The following TACR1 variants were observed in gnomAD, a reference collection of about 807,000 sequenced individuals.
TACR1 encodes the protein substance-P receptor.
Under a neutral mutation model 35.8 loss-of-function variants are expected in TACR1, and 25 were observed. The observed-to-expected ratio is 0.70, with a 90% CI of 0.51 to 0.98. The LOEUF (loss-of-function observed/expected upper bound fraction) is 0.98. TACR1 is among the 50% of genes least tolerant of loss of function. TACR1 has a pLI of 0.00. For synonymous variants in TACR1, 195 were observed against 206.7 expected (o/e 0.94, Z 0.48); for missense variants, 478 against 522.9 (o/e 0.91, Z 0.84).
intron 1 of TACR1, among the ~76,000 whole-genome samples, chr2:75,181,243 A>C (rs537725411): frequency 4.4e-4 from 67 of 152,262 alleles, no homozygotes; most frequent in African/African-American, 1.5e-3. Context: ...TCTTAATTTT[A>C]TTAGCCTCAA....
At chr2:75,057,641 C>T (rs1388919317) in intron 2 of TACR1, among the ~76,000 whole-genome samples, 1 of 152,140 alleles carries the variant, frequency 6.6e-6, no homozygotes, top group Non-Finnish European at 1.5e-5. Context: ...TTCGTGGAGA[C>T]AGAAAGTAGA....
intron 4 of TACR1, among the ~76,000 whole-genome samples, chr2:75,050,646 C>G (rs763455879): frequency 2.6e-5 from 4 of 152,218 alleles, no homozygotes; most frequent in Non-Finnish European, 5.9e-5. Context: ...CAGGATGGCT[C>G]TCCCCAACCC....
chr2:75,198,370 A>T (rs1221887933), intron 1 of TACR1, among the ~76,000 whole-genome samples, 176 bp downstream of exon 1: 2 of 152,208 alleles, frequency 1.3e-5, no homozygotes, highest in East Asian at 3.8e-4. Flanking sequence ...GAGGAAAAAA[A>T]GTTGAAATAC....
chr2:75,136,116 C>T lies in TACR1; in HGVS notation c.390-15348G>A, dbSNP rs566141104. Reference sequence around the variant, plus strand: ...GCACATGGGTGTGGGCAGGGGTTGGCGGAACTTGGGCCTTGTAGAAAGAAA... The same window carrying T: ...GCACATGGGTGTGGGCAGGGGTTGGTGGAACTTGGGCCTTGTAGAAAGAAA... On this transcript the variant is annotated intron_variant, in intron 1 of 4. Coordinates refer to ENST00000305249, the MANE Select transcript of TACR1 (RefSeq NM_001058.4). 3.3e-5 allele frequency among the ~76,000 whole-genome samples: 5 copies of T among 152,254 alleles called. No individual in the cohort carries two copies. The South Asian group carries it at 8.3e-4, about 25-fold the overall frequency.
intron 1 of TACR1, among the ~76,000 whole-genome samples, chr2:75,182,798 CATG>C (rs1451550002): frequency 1.3e-5 from 2 of 152,192 alleles, no homozygotes; most frequent in East Asian, 1.9e-4. Flanking sequence ...ACACATTGTT[CATG>C]ATGTTTGCAC....
rs545676777 is a variant in TACR1, at chr2:75,049,574, A to G, written c.1082T>C (p.Val361Ala). ...VSRLETTISTVVGAHEEEPED... is the reference protein window; with the variant it reads ...VSRLETTISTAVGAHEEEPED... ...TGGCTCCTCCTCGTGGGCCCCCACC[A>G]CTGTGGAGATGGTGGTCTCCAGGCG... is the stretch of plus-strand genomic sequence containing the variant. Residue 361 changes from valine (V) to alanine (A), a missense_variant, in exon 5 of 5, where the codon GTG becomes GCG. Physicochemically the swap from Val to Ala is moderately conservative, Grantham distance 64 (BLOSUM62 0). Coordinates refer to ENST00000305249, the MANE Select transcript of TACR1 (RefSeq NM_001058.4). 7 of 1,614,032 alleles carry G rather than the reference A, an allele frequency of 4.3e-6. No homozygotes were observed. Among genetic ancestry groups the G allele is most frequent in the East Asian group, 4.5e-5 (2 of 44,892 alleles).
chr2:75,128,542 G>A lies in TACR1; in HGVS notation c.390-7774C>T, dbSNP rs1182627340. Among the ~76,000 whole-genome samples the A allele has an allele frequency of 2.6e-5, 4 of 152,190 alleles. No individual in the cohort carries two copies. In the East Asian group the frequency reaches 5.8e-4, roughly 22 times the overall value. On this transcript the variant is annotated intron_variant, in intron 1 of 4. Transcript: ENST00000305249. The stretch of plus-strand genomic sequence containing the variant: ...AAGCATTGGGAATGAGCAACACTAG[G>A]AGTATCAGTCAGCTAATCGCTGGGA...
At chr2:75,094,859 A>ATATATTTTTT in intron 2 of TACR1, among the ~76,000 whole-genome samples, 9 of 113,132 alleles carry the variant, frequency 8.0e-5, no homozygotes, top group African/African-American at 4.3e-4. Context: ...ATATATATAT[A>ATATATTTTTT]TTTTTTTTTT....
rs890548889 is a variant in TACR1, at chr2:75,047,993, C to T, written c.*1439G>A. Reference sequence around the variant, plus strand: ...AGACAGAAAAAAAAACAAAACAAAACTGCATGCTCACCTTCTGGAAACTCT... The same window carrying T: ...AGACAGAAAAAAAAACAAAACAAAATTGCATGCTCACCTTCTGGAAACTCT... On this transcript the variant is annotated 3_prime_UTR_variant, in exon 5 of 5. Coordinates refer to ENST00000305249, the MANE Select transcript of TACR1 (RefSeq NM_001058.4). 1 of 152,148 alleles carries T rather than the reference C, an allele frequency of 6.6e-6. No homozygotes were observed. The highest frequency in any genetic ancestry group is 2.4e-5 in the African/African-American group (1 of 41,432). 9.4% of individuals were successfully genotyped at this position (152,148 alleles called of 1,614,324 possible).
intron 1 of TACR1, among the ~76,000 whole-genome samples, chr2:75,195,934 C>T (rs6754074): frequency 0.56 from 85,868 of 152,028 alleles, 26,271 homozygotes; most frequent in African/African-American, 0.82. Context: ...AGAATCTAAC[C>T]TCAATTATGT....
intron 1 of TACR1, among the ~76,000 whole-genome samples, chr2:75,151,372 C>G (rs575488587): frequency 2.0e-4 from 30 of 152,302 alleles, no homozygotes; most frequent in Admixed American, 1.9e-3. Context: ...TGTGTGTAGC[C>G]TAGGGACTTG....
intron 1 of TACR1, among the ~76,000 whole-genome samples, chr2:75,194,589 A>G (rs552680082): frequency 6.6e-6 from 1 of 152,232 alleles, no homozygotes; most frequent in South Asian, 2.1e-4. Flanking sequence ...GTGTGTAGAC[A>G]CGAGTTCAGT....
At chr2:75,168,697 G>A (rs1275512131) in intron 1 of TACR1, among the ~76,000 whole-genome samples, 1 of 152,166 alleles carries the variant, frequency 6.6e-6, no homozygotes, top group East Asian at 1.9e-4. Context: ...ATGGTAATTT[G>A]TTACAGTAGC....
intron 1 of TACR1, among the ~76,000 whole-genome samples, chr2:75,163,418 A>G (rs1675059945): frequency 1.3e-5 from 2 of 152,240 alleles, no homozygotes; most frequent in Non-Finnish European, 2.9e-5. Flanking sequence ...TACAAACTCT[A>G]AAATAAAGGC....
intron 2 of TACR1, among the ~76,000 whole-genome samples, chr2:75,099,899 C>A (rs1673501330): frequency 6.6e-6 from 1 of 152,196 alleles, no homozygotes; most frequent in South Asian, 2.1e-4. Context: ...TCAGACCTCA[C>A]AGAACACATA....
rs55921468 is a variant in TACR1 at position 75,096,550 on chromosome 2, T to G, written c.584+24024A>C. Among the ~76,000 whole-genome samples the G allele has an allele frequency of 4.5e-3, 684 of 152,344 alleles. 5 individuals are homozygous for G. Among genetic ancestry groups the G allele is most frequent in the Non-Finnish European group, 5.9e-3 (399 of 68,036 alleles). On this transcript the variant is annotated intron_variant, in intron 2 of 4. Coordinates refer to ENST00000305249, the MANE Select transcript of TACR1 (RefSeq NM_001058.4). The stretch of plus-strand genomic sequence containing the variant: ...TGGATATGATAATTGCACTTTGTAT[T>G]GTACAGGGCTATTGTGCAAATAGAG...
At chr2:75,154,526 A>ACACACT (rs1379600710) in intron 1 of TACR1, 45 of 117,194 alleles carry the variant, frequency 3.8e-4, no homozygotes, top group African/African-American at 6.7e-4. Flanking sequence ...ACACACACAC[A>ACACACT]CTCTCTGAAG....
At chr2:75,197,936 T>A (rs1676032641) in intron 1 of TACR1, among the ~76,000 whole-genome samples, 1 of 152,164 alleles carries the variant, frequency 6.6e-6, no homozygotes, top group Admixed American at 6.5e-5. Flanking sequence ...ATTCTGAGTA[T>A]CTTATGATAC....
intron 2 of TACR1, among the ~76,000 whole-genome samples, chr2:75,076,903 A>C (rs372905761): frequency 3.3e-5 from 5 of 152,306 alleles, no homozygotes; most frequent in East Asian, 3.9e-4. Flanking sequence ...GTGAGCTAAA[A>C]TTTACCAGGT....
Sources: allele counts gnomAD v4.1 joint callset (sites outside exome capture counted in the v4.1 genomes callset), GRCh38; gene constraint gnomAD v4.1.1; transcripts MANE v1.5; gene names NCBI Gene and HGNC (gene_info 2026-07-23, HGNC 2026-07-21).